The following MGAT4C variants were observed in gnomAD, a reference collection of about 807,000 sequenced individuals.
MGAT4C encodes the protein alpha-1,3-mannosyl-glycoprotein 4-beta-N-acetylglucosaminyltransferase C.
Under a neutral mutation model 40.1 loss-of-function variants are expected in MGAT4C, and 19 were observed. The ratio of observed to expected loss-of-function variants is 0.47; its 90% confidence interval spans 0.33 to 0.70. The LOEUF (loss-of-function observed/expected upper bound fraction) is 0.70, where lower values mean the gene tolerates loss of function less well. Among genes scored for constraint, MGAT4C ranks in the 30% least tolerant of loss-of-function variants. The pLI, the probability that MGAT4C is intolerant of heterozygous loss-of-function variation, is 0.02. For synonymous variants in MGAT4C, 181 were observed against 187.1 expected (o/e 0.97, Z 0.27); for missense variants, 491 against 563.2 (o/e 0.87, Z 1.30).
intron 2 of MGAT4C, among the ~76,000 whole-genome samples, chr12:86,538,758 C>A (rs2136382292): frequency 6.6e-6 from 1 of 151,996 alleles, no homozygotes. Flanking sequence ...CAGGCGCCCG[C>A]CACCACGCCT....
At chr12:86,594,934 A>G (rs995805523) in intron 2 of MGAT4C, among the ~76,000 whole-genome samples, 1 of 152,204 alleles carries the variant, frequency 6.6e-6, no homozygotes, top group African/African-American at 2.4e-5. Context: ...GGCCTCCTGT[A>G]AATTTTATTT....
At chr12:86,171,447 T>A (rs1886839801) in intron 1 of MGAT4C, among the ~76,000 whole-genome samples, 1 of 152,180 alleles carries the variant, frequency 6.6e-6, no homozygotes. Flanking sequence ...AGCTAAGATA[T>A]CACTGAAAAT....
intron 2 of MGAT4C, among the ~76,000 whole-genome samples, chr12:86,500,500 T>C (rs1958321879): frequency 6.7e-6 from 1 of 149,716 alleles, no homozygotes; most frequent in Non-Finnish European, 1.5e-5. Context: ...AAAAATTTCT[T>C]TTGAAAGGCA....
chr12:86,758,741 T>C lies in MGAT4C; in HGVS notation c.-261-31500A>G, dbSNP rs113219132. Reference sequence around the variant, plus strand: ...ATGGTGGTTATTTTGTTATGCAAAATTGGTATCTCTAAGGAACACCTCACA... The same window carrying C: ...ATGGTGGTTATTTTGTTATGCAAAACTGGTATCTCTAAGGAACACCTCACA... On this transcript the variant is annotated intron_variant, in intron 1 of 7. Transcript: ENST00000548651. 8.1e-3 allele frequency among the ~76,000 whole-genome samples: 1,228 copies of C among 152,174 alleles called. 13 individuals are homozygous for C. The highest frequency in any genetic ancestry group is 0.028 in the African/African-American group (1,173 of 41,536).
intron 1 of MGAT4C, among the ~76,000 whole-genome samples, chr12:86,809,944 G>A (rs1313648948): frequency 6.6e-6 from 1 of 151,942 alleles, no homozygotes; most frequent in Non-Finnish European, 1.5e-5. Context: ...AACAGCTTTA[G>A]ATAATTCTGC....
At chr12:86,502,739 TATAA>T (rs1359872911) in intron 2 of MGAT4C, among the ~76,000 whole-genome samples, 1 of 144,266 alleles carries the variant, frequency 6.9e-6, no homozygotes, top group East Asian at 2.1e-4. Context: ...TCTGCTCATA[TATAA>T]ATACACGAGT....
chr12:86,236,371 C>T (rs1173699273), intron 1 of MGAT4C, among the ~76,000 whole-genome samples: 1 of 151,980 alleles, frequency 6.6e-6, no homozygotes, highest in Non-Finnish European at 1.5e-5. Context: ...ATTTCTGTGT[C>T]TTTATTTTAG....
intron 2 of MGAT4C, among the ~76,000 whole-genome samples, chr12:86,508,504 T>C (rs1001801152): frequency 2.0e-5 from 3 of 152,118 alleles, no homozygotes; most frequent in African/African-American, 7.2e-5. Flanking sequence ...TTGTGAATAA[T>C]GCCGCAATAA....
intron 2 of MGAT4C, among the ~76,000 whole-genome samples, chr12:86,547,479 T>C (rs115570207): frequency 0.012 from 1,761 of 152,264 alleles, 32 homozygotes; most frequent in African/African-American, 0.04. Flanking sequence ...TTTATCTCAT[T>C]GATATCTTAC....
intron 1 of MGAT4C, among the ~76,000 whole-genome samples, chr12:86,764,024 G>A (rs1220519917): frequency 2.0e-5 from 3 of 152,096 alleles, no homozygotes; most frequent in African/African-American, 7.2e-5. Flanking sequence ...GGGGCAGTGG[G>A]TGGGTGCACC....
At chr12:86,051,381 A>G (rs1291978076) in intron 1 of MGAT4C, among the ~76,000 whole-genome samples, 1 of 152,006 alleles carries the variant, frequency 6.6e-6, no homozygotes. Flanking sequence ...GCTATCATCA[A>G]CTAGAAACTT....
chr12:86,539,873 A>AT (rs891250965), intron 2 of MGAT4C, among the ~76,000 whole-genome samples: 3 of 151,324 alleles, frequency 2.0e-5, no homozygotes, highest in Admixed American at 1.3e-4. Flanking sequence ...AGGTTGTTTG[A>AT]TTTTTTTTCT....
At chr12:86,547,541 G>T (rs1427086281) in intron 2 of MGAT4C, among the ~76,000 whole-genome samples, 1 of 152,036 alleles carries the variant, frequency 6.6e-6, no homozygotes, top group African/African-American at 2.4e-5. Context: ...GATACCAAGA[G>T]AAATTTTGGT....
intron 2 of MGAT4C, among the ~76,000 whole-genome samples, chr12:86,647,274 C>T (rs1056614528): frequency 2.0e-5 from 3 of 151,702 alleles, no homozygotes; most frequent in African/African-American, 7.3e-5. Flanking sequence ...GGATTTTATG[C>T]AGAAAAAAAT....
chr12:86,142,874 C>A (rs1176520216), intron 1 of MGAT4C, among the ~76,000 whole-genome samples: 1 of 151,976 alleles, frequency 6.6e-6, no homozygotes, highest in African/African-American at 2.4e-5. Context: ...GGCGATAGAT[C>A]TTATAAGGAG....
chr12:86,240,185 CAT>C (rs1369993179), intron 1 of MGAT4C, among the ~76,000 whole-genome samples: 2 of 150,542 alleles, frequency 1.3e-5, no homozygotes, highest in East Asian at 1.9e-4. Context: ...CATACACACA[CAT>C]ATATATGATA....
At position 86,019,675 on chromosome 12, in the gene MGAT4C, C is replaced by CT. The variant is rs559223986; in HGVS notation, c.-7+29998dup. ...CTTAGGATAGACTTGGCAATGTGGG[C>CT]TTTTTTTTGGTTCCATATGAACTTT... On this transcript the variant is annotated intron_variant, in intron 2 of 4. Transcript: ENST00000611864. 2.1e-3 allele frequency among the ~76,000 whole-genome samples: 326 copies of CT among 151,840 alleles called. 2 individuals carry two copies. Among genetic ancestry groups the CT allele is most frequent in the Middle Eastern group, 0.01 (3 of 294 alleles).
At chr12:86,209,292 G>A (rs563817446) in intron 1 of MGAT4C, among the ~76,000 whole-genome samples, 1 of 151,882 alleles carries the variant, frequency 6.6e-6, no homozygotes, top group East Asian at 1.9e-4. Flanking sequence ...GTTAAAGTTG[G>A]ATACTACCCT....
At chr12:86,042,867 CAAAAA>C (rs140809256) in intron 2 of MGAT4C, among the ~76,000 whole-genome samples, 68 of 107,970 alleles carry the variant, frequency 6.3e-4, no homozygotes, top group African/African-American at 1.7e-3. Context: ...GACTCTGTCT[CAAAAA>C]AAAAAAAAAA....
Sources: allele counts gnomAD v4.1 joint callset (sites outside exome capture counted in the v4.1 genomes callset), GRCh38; gene constraint gnomAD v4.1.1; transcripts MANE v1.5; gene names NCBI Gene and HGNC (gene_info 2026-07-23, HGNC 2026-07-21).